VIL1: variants seen among roughly 807,000 people sequenced by gnomAD.
The protein encoded by VIL1 is villin-1.
In VIL1, 86 loss-of-function variants were observed where a neutral mutation model predicts 104.0. That is an observed-to-expected ratio of 0.83 (90% CI 0.69 to 0.99). The LOEUF (loss-of-function observed/expected upper bound fraction) is 0.99. Among genes scored for constraint, VIL1 ranks in the 50% least tolerant of loss-of-function variants. The probability of loss-of-function intolerance (pLI) is 0.00; values close to 1 mark genes in which losing one functional copy is unlikely to be tolerated. For synonymous variants in VIL1, 394 were observed against 412.6 expected (o/e 0.95, Z 0.55); for missense variants, 944 against 1,054.1 (o/e 0.90, Z 1.45).
chr2:218,428,097 C>T (rs761498438), intron 5 of VIL1, 24 bp downstream of exon 5: 16 of 1,611,298 alleles, frequency 9.9e-6, no homozygotes, highest in Admixed American at 3.3e-5. Context: ...ACTGGAGCAT[C>T]GGCCAGGGCT....
intron 19 of VIL1, among the ~76,000 whole-genome samples, chr2:218,448,333 G>A (rs953002896): frequency 2.0e-5 from 3 of 152,166 alleles, no homozygotes; most frequent in African/African-American, 7.2e-5. Flanking sequence ...GGGAGGTCAA[G>A]GCGGGCAGAT....
chr2:218,447,384 C>T (rs1689383327), intron 19 of VIL1, among the ~76,000 whole-genome samples: 1 of 152,186 alleles, frequency 6.6e-6, no homozygotes. Context: ...ATGGCACTAT[C>T]TTGGCTTACT....
intron 13 of VIL1, among the ~76,000 whole-genome samples, chr2:218,433,967 C>T (rs1204982592): frequency 2.0e-5 from 3 of 151,096 alleles, no homozygotes; most frequent in South Asian, 2.1e-4. Context: ...GAGGCCAAGG[C>T]GGGCGGATCT....
chr2:218,442,974 T>C (rs779611612), intron 19 of VIL1, among the ~76,000 whole-genome samples: 83 of 152,320 alleles, frequency 5.4e-4, no homozygotes, highest in Non-Finnish European at 7.6e-4. Context: ...CACTGTAACA[T>C]TGGGATGATC....
In VIL1 at chr2:218,435,381, A is replaced by G; in HGVS notation, c.1773A>G (p.Pro591=). 6.2e-7 allele frequency: 1 copy of G among 1,614,172 alleles called. No homozygotes were observed. The change falls in exon 15 of 20, where the codon CCA becomes CCG. Residue 591 remains proline, a synonymous_variant. Transcript: ENST00000248444. ...AAGTGGTGGTGGAAGGGCAGGAGCC[A>G]GCCAACTTCTGGATGGCCCTGGGTG... is the stretch of plus-strand genomic sequence containing the variant. ...EKQVVVEGQE[P]ANFWMALGGK... is the part of the protein sequence containing the mutation.
intron 6 of VIL1, among the ~76,000 whole-genome samples, chr2:218,429,057 G>C (rs553763026): frequency 6.6e-6 from 1 of 152,182 alleles, no homozygotes; most frequent in Non-Finnish European, 1.5e-5. Flanking sequence ...CAGCAAGCCC[G>C]CTTGAGCACC....
intron 12 of VIL1, 132 bp downstream of exon 12, chr2:218,432,315 G>A (rs533610352): frequency 1.1e-4 from 153 of 1,394,668 alleles, no homozygotes; most frequent in Admixed American, 1.5e-4. Flanking sequence ...AAGAAGGACT[G>A]CTTTGGCTAT....
At chr2:218,422,782 A>C (rs1237619293) in intron 1 of VIL1, among the ~76,000 whole-genome samples, 1 of 152,158 alleles carries the variant, frequency 6.6e-6, no homozygotes, top group Non-Finnish European at 1.5e-5. Context: ...GCATTCATGG[A>C]GGGCAGCTCT....
intron 15 of VIL1, among the ~76,000 whole-genome samples, chr2:218,435,768 C>G (rs375418185): frequency 6.6e-6 from 1 of 152,198 alleles, no homozygotes; most frequent in African/African-American, 2.4e-5. Context: ...AGAGGCCAGC[C>G]TGCTTTTAGG....
chr2:218,442,594 C>G (rs1187399862), intron 19 of VIL1, among the ~76,000 whole-genome samples: 1 of 152,052 alleles, frequency 6.6e-6, no homozygotes, highest in Non-Finnish European at 1.5e-5. Context: ...CCTCAGCCTC[C>G]CAAAGTGTTG....
intron 17 of VIL1, among the ~76,000 whole-genome samples, chr2:218,437,673 T>G (rs947234621): frequency 6.6e-6 from 1 of 152,222 alleles, no homozygotes; most frequent in Non-Finnish European, 1.5e-5. Flanking sequence ...GCAGCAGAGG[T>G]GAGAATGTTC....
intron 19 of VIL1, among the ~76,000 whole-genome samples, chr2:218,445,586 G>A (rs1431463376): frequency 6.6e-6 from 1 of 151,970 alleles, no homozygotes; most frequent in East Asian, 1.9e-4. Context: ...CCATCTATAG[G>A]TGTTTACTAA....
intron 13 of VIL1, among the ~76,000 whole-genome samples, chr2:218,433,949 C>A (rs1236209233): frequency 1.3e-5 from 2 of 150,924 alleles, no homozygotes; most frequent in Non-Finnish European, 2.9e-5. Flanking sequence ...GTAATCCCAG[C>A]ACTTTGGGAG....
intron 12 of VIL1, chr2:218,432,508 TGAA>T (rs1439887322): frequency 1.7e-5 from 12 of 694,152 alleles, no homozygotes; most frequent in Non-Finnish European, 3.1e-5. Flanking sequence ...GATGTCTCCC[TGAA>T]GAAGGAGCAG....
intron 1 of VIL1, among the ~76,000 whole-genome samples, chr2:218,423,255 C>T (rs181607929): frequency 6.6e-6 from 1 of 152,108 alleles, no homozygotes; most frequent in African/African-American, 2.4e-5. Flanking sequence ...ATTAGCCAGG[C>T]GTGGTGGCTC....
At position 218,429,444 on chromosome 2, in the gene VIL1, A is replaced by G; in HGVS notation, c.727A>G (p.Thr243Ala). Reference sequence around the variant, plus strand: ...GGAGCTGAAGGCGGCCGTGCCCGACACGGTGGTGGAGCCGGCACTCAAGGC... The same window carrying G: ...GGAGCTGAAGGCGGCCGTGCCCGACGCGGTGGTGGAGCCGGCACTCAAGGC... ...RRELKAAVPDTVVEPALKAAL... is the reference protein window; with the variant it reads ...RRELKAAVPDAVVEPALKAAL... The change falls in exon 7 of 20, where the codon ACG becomes GCG. Residue 243 changes from threonine (T) to alanine (A), a missense_variant. By Grantham distance (58) the Thr-to-Ala change is moderately conservative (BLOSUM62 0). Coordinates refer to ENST00000248444, the MANE Select transcript of VIL1 (RefSeq NM_007127.3). 6.2e-7 allele frequency: 1 copy of G among 1,614,024 alleles called. No homozygotes were observed. Among genetic ancestry groups the G allele is most frequent in the African/African-American group, 1.3e-5 (1 of 75,076 alleles).
chr2:218,436,161 T>C (rs553422007), intron 15 of VIL1, among the ~76,000 whole-genome samples: 2 of 152,110 alleles, frequency 1.3e-5, no homozygotes, highest in Non-Finnish European at 2.9e-5. Context: ...CTAGAGAATA[T>C]CCATGATCTA....
rs1305434046 is a variant in VIL1, at chr2:218,437,152, A to G, written c.2000A>G (p.Asn667Ser). 16 of 1,614,062 alleles carry G rather than the reference A, an allele frequency of 9.9e-6. No individual in the cohort carries two copies. Among genetic ancestry groups the G allele is most frequent in the African/African-American group, 1.3e-5 (1 of 74,930 alleles). Residue 667 changes from asparagine (N) to serine (S), a missense_variant, in exon 17 of 20, where the codon AAC becomes AGC. Asn to Ser is a conservative substitution (Grantham distance 46, BLOSUM62 1). Transcript: ENST00000248444. The stretch of plus-strand genomic sequence containing the variant: ...TTCTTCTGGATTGGGAAACATGCCA[A>G]CGAGGAGGAGAAGAAGGCCGCAGCA... Reference protein sequence around the residue: ...QVFFWIGKHANEEEKKAAATT... With the variant: ...QVFFWIGKHASEEEKKAAATT...
chr2:218,422,606 G>C (rs1388256297), intron 1 of VIL1, among the ~76,000 whole-genome samples: 1 of 152,200 alleles, frequency 6.6e-6, no homozygotes, highest in Non-Finnish European at 1.5e-5. Context: ...CACCCCTCAG[G>C]GCTCAGAAAA....
Sources: allele counts gnomAD v4.1 joint callset (sites outside exome capture counted in the v4.1 genomes callset), GRCh38; gene constraint gnomAD v4.1.1; transcripts MANE v1.5; gene names NCBI Gene and HGNC (gene_info 2026-07-23, HGNC 2026-07-21).